The following TRIT1 variants were observed in gnomAD, a reference collection of about 807,000 sequenced individuals.
The protein encoded by TRIT1 is tRNA isopentenyltransferase 1, also known as tRNA dimethylallyltransferase.
TRIT1 carries 43 observed loss-of-function variants against 51.2 expected under a neutral mutation model. The ratio of observed to expected loss-of-function variants is 0.84; its 90% CI spans 0.66 to 1.08. TRIT1 has a LOEUF of 1.08. Among genes scored for constraint, TRIT1 ranks in the 50% least tolerant of loss-of-function variants. The probability of loss-of-function intolerance (pLI) is 0.00; values close to 1 mark genes in which losing one functional copy is unlikely to be tolerated. For synonymous variants in TRIT1, 184 were observed against 203.9 expected, an observed-to-expected ratio of 0.90 and a Z score of 0.83; for missense variants, 528 against 578.4, an observed-to-expected ratio of 0.91 and a Z score of 0.89.
At chr1:39,873,837 C>T (rs756721076) in intron 1 of TRIT1, among the ~76,000 whole-genome samples, 5 of 151,762 alleles carry the variant, frequency 3.3e-5, no homozygotes, top group Non-Finnish European at 5.9e-5. Context: ...CAGCCTGACC[C>T]ACATGGAGAA....
At chr1:39,873,790 G>T (rs1475543116) in intron 1 of TRIT1, among the ~76,000 whole-genome samples, 1 of 152,124 alleles carries the variant, frequency 6.6e-6, no homozygotes, top group Non-Finnish European at 1.5e-5. Context: ...TTGGGAGGCA[G>T]AGACGGATGG....
At chr1:39,847,684 G>A in intron 6 of TRIT1, 24 bp from the exon 7 acceptor site, 1 of 1,614,102 alleles carries the variant, frequency 6.2e-7, no homozygotes, top group Non-Finnish European at 8.5e-7. Flanking sequence ...GGTATCAGCA[G>A]ATAAGCCATT....
chr1:39,872,881 AAAGG>A (rs1239138128), intron 1 of TRIT1, among the ~76,000 whole-genome samples: 2 of 151,924 alleles, frequency 1.3e-5, no homozygotes, highest in Non-Finnish European at 2.9e-5. Context: ...GAAAAGGAAG[AAAGG>A]AAGAAAACAA....
chr1:39,880,383 T>A (rs1291624462), intron 1 of TRIT1, among the ~76,000 whole-genome samples: 1 of 152,040 alleles, frequency 6.6e-6, no homozygotes, highest in East Asian at 1.9e-4. Context: ...TACTTGAAAT[T>A]GAAAATGTTA....
intron 1 of TRIT1, among the ~76,000 whole-genome samples, chr1:39,866,806 C>CA (rs201529375): frequency 9.2e-4 from 139 of 151,452 alleles, no homozygotes; most frequent in Admixed American, 2.0e-3. Flanking sequence ...CCCATGTCTA[C>CA]AAAAAAAACA....
At chr1:39,873,282 G>A (rs1643938623) in intron 1 of TRIT1, among the ~76,000 whole-genome samples, 1 of 152,162 alleles carries the variant, frequency 6.6e-6, no homozygotes, top group Non-Finnish European at 1.5e-5. Context: ...ATACTATGTT[G>A]ATATCATACT....
chr1:39,864,072 G>C (rs1643398174), intron 1 of TRIT1, among the ~76,000 whole-genome samples: 1 of 151,984 alleles, frequency 6.6e-6, no homozygotes, highest in Non-Finnish European at 1.5e-5. Flanking sequence ...TTGTAGTAGA[G>C]ACGGGGTTTT....
At chr1:39,862,702 T>C in intron 1 of TRIT1, 1 of 910,878 alleles carries the variant, frequency 1.1e-6, no homozygotes, top group Non-Finnish European at 1.3e-6. Context: ...ATCCATGCTC[T>C]AAATGCCACA....
chr1:39,856,350 G>A (rs1642896317), intron 2 of TRIT1, among the ~76,000 whole-genome samples: 2 of 151,968 alleles, frequency 1.3e-5, no homozygotes, highest in Non-Finnish European at 2.9e-5. Context: ...TGGGTGTGGT[G>A]GTAAGCACCT....
chr1:39,863,036 G>C, intron 1 of TRIT1: 1 of 706,892 alleles, frequency 1.4e-6, no homozygotes, highest in East Asian at 1.3e-4. Flanking sequence ...CCTGATGACT[G>C]AAATATTCTG....
chr1:39,875,249 G>A (rs1644010956), intron 1 of TRIT1, among the ~76,000 whole-genome samples: 1 of 151,914 alleles, frequency 6.6e-6, no homozygotes, highest in Non-Finnish European at 1.5e-5. Context: ...CAACCCTTTG[G>A]GAGCCCGAGG....
At chr1:39,859,274 A>C (rs1343591615) in intron 1 of TRIT1, among the ~76,000 whole-genome samples, 6 of 135,766 alleles carry the variant, frequency 4.4e-5, no homozygotes, top group East Asian at 7.8e-4. Context: ...AAAAAAAAAA[A>C]AAAAAAAAAA....
At chr1:39,847,353 G>A (rs1428679782) in intron 7 of TRIT1, 56 bp from the exon 8 acceptor site, 4 of 1,542,744 alleles carry the variant, frequency 2.6e-6, no homozygotes, top group African/African-American at 2.7e-5. Context: ...ACCCTGCAGA[G>A]AGGCAGGCCC....
intron 1 of TRIT1, chr1:39,876,019 C>CT (rs1644041399): frequency 2.0e-5 from 3 of 152,086 alleles, no homozygotes; most frequent in Admixed American, 2.0e-4. Flanking sequence ...GGCTTGAACT[C>CT]TGACTGCCAC....
At chr1:39,862,554 A>G (rs1181038891) in intron 1 of TRIT1, among the ~76,000 whole-genome samples, 1 of 152,210 alleles carries the variant, frequency 6.6e-6, no homozygotes, top group East Asian at 1.9e-4. Flanking sequence ...TCCTTTATTT[A>G]TCAAATAAAA....
chr1:39,849,637 C>T (rs868397486), intron 5 of TRIT1, among the ~76,000 whole-genome samples: 3 of 152,364 alleles, frequency 2.0e-5, no homozygotes, highest in South Asian at 4.1e-4. Flanking sequence ...AAGTACCACA[C>T]AGAATACCCA....
At chr1:39,860,698 T>C (rs761610231) in intron 1 of TRIT1, among the ~76,000 whole-genome samples, 8 of 152,212 alleles carry the variant, frequency 5.3e-5, no homozygotes, top group Non-Finnish European at 2.9e-5. Context: ...TTCATAATTA[T>C]CGACTCTAGG....
intron 1 of TRIT1, among the ~76,000 whole-genome samples, chr1:39,868,206 ATAAAT>A (rs746014388): frequency 3.3e-5 from 5 of 152,294 alleles, no homozygotes; most frequent in Admixed American, 1.3e-4. Flanking sequence ...AAAAAAAAAG[ATAAAT>A]TAAATTAGGC....
In TRIT1 at chr1:39,840,615, T is replaced by C. The variant is rs886981459; in HGVS notation, c.*1129A>G. ...AATTCAGGGCCTCTCATAGAGTAGA[T>C]TCTGCACAAACAAAATGTATTTGAA... On this transcript the variant is annotated 3_prime_UTR_variant, in exon 11 of 11. Coordinates refer to ENST00000316891, the MANE Select transcript of TRIT1 (RefSeq NM_017646.6). Among the ~76,000 whole-genome samples the C allele has an allele frequency of 1.3e-5, 2 of 152,170 alleles. No individual in the cohort carries two copies. The highest frequency in any genetic ancestry group is 6.5e-5 in the Admixed American group (1 of 15,272).
Sources: allele counts gnomAD v4.1 joint callset (sites outside exome capture counted in the v4.1 genomes callset), GRCh38; gene constraint gnomAD v4.1.1; transcripts MANE v1.5; gene names NCBI Gene and HGNC (gene_info 2026-07-23, HGNC 2026-07-21).